FSTL4: variants seen among roughly 807,000 people sequenced by gnomAD.
FSTL4 encodes the protein follistatin-related protein 4.
In FSTL4, 28 loss-of-function variants were observed where a neutral mutation model predicts 78.2. That is an observed-to-expected ratio of 0.36 (90% CI 0.27 to 0.49). The LOEUF (loss-of-function observed/expected upper bound fraction) is 0.49, where lower values mean the gene tolerates loss of function less well. FSTL4 is among the 20% of genes least tolerant of loss of function. FSTL4 has a pLI of 0.98. For synonymous variants in FSTL4, 422 were observed against 440.5 expected, an observed-to-expected ratio of 0.96 and a Z score of 0.53; for missense variants, 922 against 1,084.9, an observed-to-expected ratio of 0.85 and a Z score of 2.11.
chr5:133,279,122 G>T (rs1752954560), intron 6 of FSTL4, among the ~76,000 whole-genome samples: 1 of 152,210 alleles, frequency 6.6e-6, no homozygotes, highest in Non-Finnish European at 1.5e-5. Flanking sequence ...AACTGACTGT[G>T]TGTTCTCTGT....
rs202031180 is a variant in FSTL4, at chr5:133,489,278, G to A, written c.160+77908C>T. Among the ~76,000 whole-genome samples the A allele has an allele frequency of 1.3e-4, 20 of 152,338 alleles. No homozygotes were observed. In the East Asian group the frequency reaches 3.7e-3, roughly 28 times the overall value. ...CCTGTTCAGAGATGTTCATTGCACT[G>A]AGTGTTGGGATGGGGCCAAGTGTCA... On this transcript the variant is annotated intron_variant, in intron 3 of 15. Transcript: ENST00000265342.
intron 3 of FSTL4, among the ~76,000 whole-genome samples, chr5:133,517,447 A>AAAATATATATATATAT (rs1554068019): frequency 6.1e-5 from 1 of 16,414 alleles, no homozygotes; most frequent in African/African-American, 2.8e-4. Flanking sequence ...AAAAAAAAAA[A>AAAATATATATATATAT]ATATATATAT....
chr5:133,488,347 T>G (rs1184160427), intron 3 of FSTL4, among the ~76,000 whole-genome samples: 1 of 152,182 alleles, frequency 6.6e-6, no homozygotes, highest in African/African-American at 2.4e-5. Flanking sequence ...CTCTGCCTGC[T>G]GGGTTCAAGC....
At chr5:133,283,734 A>G (rs1753064961) in intron 6 of FSTL4, among the ~76,000 whole-genome samples, 1 of 152,170 alleles carries the variant, frequency 6.6e-6, no homozygotes, top group South Asian at 2.1e-4. Flanking sequence ...GCATGGGTGT[A>G]GGGCAATATA....
At chr5:133,385,447 C>T (rs1375776617) in intron 4 of FSTL4, among the ~76,000 whole-genome samples, 2 of 152,174 alleles carry the variant, frequency 1.3e-5, no homozygotes, top group African/African-American at 2.4e-5. Context: ...AAGCTCTATC[C>T]CTGATCACAC....
the FSTL4 span, among the ~76,000 whole-genome samples, chr5:133,827,382 G>C: frequency 6.6e-6 from 1 of 152,088 alleles, no homozygotes; most frequent in Non-Finnish European, 1.5e-5. Flanking sequence ...AGCTGGGAGG[G>C]CAGAGAATAT....
At chr5:133,254,648 C>T (rs1035534604) in intron 6 of FSTL4, among the ~76,000 whole-genome samples, 6 of 152,190 alleles carry the variant, frequency 3.9e-5, no homozygotes, top group African/African-American at 9.7e-5. Flanking sequence ...GGCAGATAGC[C>T]GCAGTCATAC....
chr5:133,645,666 G>A, the FSTL4 span, among the ~76,000 whole-genome samples: 2 of 152,068 alleles, frequency 1.3e-5, no homozygotes, highest in Non-Finnish European at 2.9e-5. Context: ...AGTTTGTCCT[G>A]AATTACCTAG....
chr5:133,278,611 A>G (rs1000952984), intron 6 of FSTL4, among the ~76,000 whole-genome samples: 1 of 152,168 alleles, frequency 6.6e-6, no homozygotes, highest in Non-Finnish European at 1.5e-5. Flanking sequence ...AGGCCATACC[A>G]GGTGAGGTGG....
chr5:133,653,100 A>G, the FSTL4 span, among the ~76,000 whole-genome samples: 1 of 152,220 alleles, frequency 6.6e-6, no homozygotes, highest in Admixed American at 6.5e-5. Flanking sequence ...CTACATGCAC[A>G]TACACATTCA....
the FSTL4 span, among the ~76,000 whole-genome samples, chr5:133,732,990 C>A: frequency 2.2e-4 from 34 of 152,216 alleles, no homozygotes; most frequent in African/African-American, 7.0e-4. Flanking sequence ...TCCGTAATTG[C>A]ATTCCTTCCT....
the FSTL4 span, among the ~76,000 whole-genome samples, chr5:133,818,596 G>A: frequency 4.6e-5 from 7 of 151,954 alleles, no homozygotes; most frequent in African/African-American, 1.5e-4. Flanking sequence ...ATCTCCCGGC[G>A]GACATAAAAT....
chr5:133,339,115 C>T (rs1414178404), intron 4 of FSTL4, among the ~76,000 whole-genome samples: 1 of 152,168 alleles, frequency 6.6e-6, no homozygotes, highest in African/African-American at 2.4e-5. Flanking sequence ...CCCTGCGCCA[C>T]CTCAGTTCCT....
At chr5:133,210,160 G>T in intron 14 of FSTL4, 31 bp downstream of exon 14, 2 of 1,093,380 alleles carry the variant, frequency 1.8e-6, no homozygotes, top group Non-Finnish European at 2.8e-6. Context: ...TCAGTGGAGT[G>T]TGGGTATCAG....
intron 2 of FSTL4, among the ~76,000 whole-genome samples, chr5:133,596,968 G>A (rs1434097048): frequency 1.3e-5 from 2 of 152,026 alleles, no homozygotes; most frequent in Non-Finnish European, 2.9e-5. Flanking sequence ...TACCCATCAA[G>A]AGAGAGGCGA....
At chr5:133,321,594 C>T (rs1171235596) in intron 4 of FSTL4, among the ~76,000 whole-genome samples, 1 of 152,194 alleles carries the variant, frequency 6.6e-6, no homozygotes, top group Non-Finnish European at 1.5e-5. Flanking sequence ...GCCTATAATC[C>T]TAGCACTTTG....
intron 4 of FSTL4, among the ~76,000 whole-genome samples, chr5:133,339,606 C>T (rs928197310): frequency 3.3e-5 from 5 of 152,178 alleles, no homozygotes; most frequent in Admixed American, 6.5e-5. Context: ...AACAAAGGAA[C>T]GAACACATGG....
intron 4 of FSTL4, among the ~76,000 whole-genome samples, chr5:133,330,266 T>C (rs1051640657): frequency 1.3e-5 from 2 of 152,210 alleles, no homozygotes; most frequent in African/African-American, 4.8e-5. Context: ...TATAAAGAAA[T>C]ACCTGAGTCT....
chr5:133,315,683 C>T (rs1753887125), intron 5 of FSTL4, among the ~76,000 whole-genome samples: 1 of 152,198 alleles, frequency 6.6e-6, no homozygotes, highest in Non-Finnish European at 1.5e-5. Context: ...TTGTACCTGC[C>T]TGGTGCAGCT....
Sources: allele counts gnomAD v4.1 joint callset (sites outside exome capture counted in the v4.1 genomes callset), GRCh38; gene constraint gnomAD v4.1.1; transcripts MANE v1.5; gene names NCBI Gene and HGNC (gene_info 2026-07-23, HGNC 2026-07-21).